CHN2: variants seen among roughly 807,000 people sequenced by gnomAD.
CHN2 encodes beta-chimaerin.
Under a neutral mutation model 56.3 loss-of-function variants are expected in CHN2, and 35 were observed. The observed-to-expected ratio is 0.62, with a 90% CI of 0.47 to 0.82. CHN2 has a LOEUF of 0.82. Ranked by LOEUF, CHN2 falls within the 40% of genes least tolerant of loss-of-function variation. CHN2 has a pLI of 0.00. For synonymous variants in CHN2, 210 were observed against 212.8 expected, an observed-to-expected ratio of 0.99 and a Z score of 0.12; for missense variants, 491 against 580.5, an observed-to-expected ratio of 0.85 and a Z score of 1.58.
At chr7:29,319,899 C>T (rs1235110696) in intron 1 of CHN2, among the ~76,000 whole-genome samples, 2 of 152,106 alleles carry the variant, frequency 1.3e-5, no homozygotes, top group Non-Finnish European at 2.9e-5. Flanking sequence ...GCCTTTGTGC[C>T]CCTTCCCCTC....
chr7:29,473,757 G>A (rs1786355120), intron 6 of CHN2, among the ~76,000 whole-genome samples: 1 of 152,028 alleles, frequency 6.6e-6, no homozygotes, highest in African/African-American at 2.4e-5. Context: ...TCTGCTTCCA[G>A]ATTTAGTTGT....
intron 1 of CHN2, among the ~76,000 whole-genome samples, chr7:29,314,271 A>G (rs1288379593): frequency 6.6e-6 from 1 of 152,200 alleles, no homozygotes; most frequent in Non-Finnish European, 1.5e-5. Flanking sequence ...CCATTATGCT[A>G]AGTAAAATAA....
At chr7:29,389,157 C>T (rs1219831781) in intron 3 of CHN2, among the ~76,000 whole-genome samples, 1 of 152,120 alleles carries the variant, frequency 6.6e-6, no homozygotes, top group Non-Finnish European at 1.5e-5. Context: ...TTCTAATATT[C>T]CCGTTGCTCA....
chr7:29,195,478 A>G (rs1054248513), intron 1 of CHN2: 6 of 156,664 alleles, frequency 3.8e-5, no homozygotes, highest in African/African-American at 1.2e-4. Flanking sequence ...CTATGGAGAC[A>G]CTCGCTTGGG....
chr7:29,247,595 T>A (rs1788175628), intron 1 of CHN2, among the ~76,000 whole-genome samples: 1 of 152,142 alleles, frequency 6.6e-6, no homozygotes, highest in Admixed American at 6.5e-5. Context: ...ATTTGTTCTT[T>A]CCCCTTGCAA....
chr7:29,388,485 T>C (rs2128067898), intron 3 of CHN2, among the ~76,000 whole-genome samples: 1 of 32,862 alleles, frequency 3.0e-5, no homozygotes, highest in East Asian at 9.7e-4. Flanking sequence ...ATTACACATA[T>C]TTATTCATTT....
intron 6 of CHN2, chr7:29,445,211 C>A: frequency 2.2e-6 from 1 of 454,232 alleles, no homozygotes; most frequent in Non-Finnish European, 4.4e-6. Context: ...AGTAAGAGTC[C>A]CAGCTAGATT....
intron 1 of CHN2, chr7:29,212,550 C>A: frequency 4.7e-6 from 7 of 1,485,016 alleles, no homozygotes; most frequent in Non-Finnish European, 6.6e-6. Flanking sequence ...GAGAATAATG[C>A]CCCAAAAAAG....
At chr7:29,405,810 C>G (rs1219807851) in intron 6 of CHN2, among the ~76,000 whole-genome samples, 1 of 152,062 alleles carries the variant, frequency 6.6e-6, no homozygotes, top group Non-Finnish European at 1.5e-5. Context: ...CCCAGCTGCC[C>G]GCCTTTATAT....
At chr7:29,422,579 C>T (rs549078433) in intron 6 of CHN2, among the ~76,000 whole-genome samples, 1 of 152,324 alleles carries the variant, frequency 6.6e-6, no homozygotes, top group South Asian at 2.1e-4. Flanking sequence ...GAAGCAGTTG[C>T]TGATGTTTTG....
chr7:29,462,772 T>A (rs142299534), intron 6 of CHN2, among the ~76,000 whole-genome samples: 97 of 152,262 alleles, frequency 6.4e-4, no homozygotes, highest in Admixed American at 2.0e-3. Flanking sequence ...TCTTTTTTTT[T>A]AAATTATTAT....
intron 5 of CHN2, among the ~76,000 whole-genome samples, chr7:29,399,883 G>A (rs1289926733): frequency 1.3e-5 from 2 of 152,196 alleles, no homozygotes; most frequent in South Asian, 2.1e-4. Context: ...GTTGTAGTGG[G>A]GAGTCAAGCA....
chr7:29,278,033 C>T (rs39107), intron 1 of CHN2, among the ~76,000 whole-genome samples: 42,911 of 151,978 alleles, frequency 0.28, 7,087 homozygotes, highest in Admixed American at 0.37. Context: ...AGATGCAGAT[C>T]AGGCCTGTGT....
intron 7 of CHN2, among the ~76,000 whole-genome samples, chr7:29,491,726 G>A (rs1252455914): frequency 6.6e-6 from 1 of 152,052 alleles, no homozygotes; most frequent in Non-Finnish European, 1.5e-5. Context: ...TTTGATTAAT[G>A]GATTTCATCC....
chr7:29,231,484 A>G (rs1268199668), intron 1 of CHN2, among the ~76,000 whole-genome samples: 4 of 152,162 alleles, frequency 2.6e-5, no homozygotes, highest in African/African-American at 9.7e-5. Context: ...GTGCTGTGCC[A>G]TTTATTTCCC....
At chr7:29,433,497 A>G (rs1311775272) in intron 6 of CHN2, among the ~76,000 whole-genome samples, 1 of 152,210 alleles carries the variant, frequency 6.6e-6, no homozygotes, top group Non-Finnish European at 1.5e-5. Flanking sequence ...GGAATAAACC[A>G]GAAGTGTCGT....
Position 29,233,880 on chromosome 7 carries a change from C to T in CHN2, c.49+38890C>T, listed in dbSNP as rs541604225. On this transcript the variant is annotated intron_variant, in intron 1 of 12. Coordinates refer to ENST00000222792, the MANE Select transcript of CHN2 (RefSeq NM_004067.4). ...ATGGAGTCTCGCTCTGTCGCCCAGG[C>T]TGGAGTGCAGTGGCGGGATCTCGGC... Among the ~76,000 whole-genome samples, 115 of 108,892 alleles carry T rather than the reference C, an allele frequency of 1.1e-3. 1 individual carries two copies. The highest frequency in any genetic ancestry group is 3.8e-3 in the African/African-American group (110 of 28,662). The allele number at this position is 108,892 out of a possible 152,430, so 71.4% of individuals were successfully genotyped here.
intron 7 of CHN2, chr7:29,483,947 G>T (rs12665897): frequency 8.5e-7 from 1 of 1,177,200 alleles, no homozygotes; most frequent in Non-Finnish European, 1.1e-6. Flanking sequence ...GAATACATGC[G>T]AGTCACTTAT....
At chr7:29,147,020 G>C (rs1464029186) in intron 2 of CHN2, 1 of 1,547,634 alleles carries the variant, frequency 6.5e-7, no homozygotes, top group Non-Finnish European at 8.7e-7. Flanking sequence ...CTGCGCTGGA[G>C]TCTCAGAGCC....
Sources: allele counts gnomAD v4.1 joint callset (sites outside exome capture counted in the v4.1 genomes callset), GRCh38; gene constraint gnomAD v4.1.1; transcripts MANE v1.5; gene names NCBI Gene and HGNC (gene_info 2026-07-23, HGNC 2026-07-21).